Variants in ATXN10 observed in about 807,000 individuals in gnomAD.
ATXN10 encodes the protein ataxin-10.
ATXN10 carries 28 observed loss-of-function variants against 52.9 expected under a neutral mutation model. The observed-to-expected ratio is 0.53, with a 90% confidence interval of 0.39 to 0.73. The LOEUF is 0.73. ATXN10 is among the 30% of genes least tolerant of loss of function. The pLI is 0.00. For synonymous variants in ATXN10, 226 were observed against 221.5 expected (o/e 1.02, Z -0.18); for missense variants, 565 against 577.0 (o/e 0.98, Z 0.21).
rs1245391287 is a variant in ATXN10, at chr22:45,845,020, A to G, written c.*1349A>G. 6.6e-6 allele frequency: 1 copy of G among 152,222 alleles called. No homozygotes were observed. The highest frequency in any genetic ancestry group is 6.5e-5 in the Admixed American group (1 of 15,282). The allele number at this position is 152,222 out of a possible 1,614,324, so 9.4% of individuals were successfully genotyped here. A position where few individuals can be genotyped will look rare whatever the true frequency, so the allele number is the denominator to read the frequency against. ...ATCTATGAATAACATTTTTTCTCTC[A>G]TTTATGACTTTCCATCAGTAAAGAA... On this transcript the variant is annotated 3_prime_UTR_variant, in exon 12 of 12. Coordinates refer to ENST00000252934, the MANE Select transcript of ATXN10 (RefSeq NM_013236.4). The surrounding 1 kb of genome is among the most constrained non-coding windows in gnomAD (Gnocchi z 4.7).
intron 7 of ATXN10, 170 bp from the exon 8 acceptor site, chr22:45,738,561 A>G (rs1241590255): frequency 6.5e-6 from 4 of 611,316 alleles, no homozygotes; most frequent in South Asian, 2.0e-5. Context: ...AGTCGTGTAC[A>G]TATTTCATAC....
rs775656721 is a variant in ATXN10, at chr22:45,672,153, G to T, written c.90G>T (p.Thr30=). 1.8e-5 allele frequency: 27 copies of T among 1,539,098 alleles called. No individual in the cohort carries two copies. The East Asian group carries it at 6.1e-4, about 35-fold the overall frequency. ...IQDLEALRAL[T]ALFKEQRNRE... is the part of the protein sequence containing the mutation. Reference sequence around the variant, plus strand: ...ACCTGGAGGCCCTGCGCGCGCTCACGGCGCTCTTCAAAGAGCAGCGGAACC... The same window carrying T: ...ACCTGGAGGCCCTGCGCGCGCTCACTGCGCTCTTCAAAGAGCAGCGGAACC... Residue 30 remains threonine, a synonymous_variant, in exon 1 of 12, where the codon ACG becomes ACT. Coordinates refer to ENST00000252934, the MANE Select transcript of ATXN10 (RefSeq NM_013236.4).
rs1203172719 is a variant in ATXN10, at chr22:45,730,839, T to A, written c.894+1249T>A. On this transcript the variant is annotated intron_variant, in intron 7 of 11. Transcript: ENST00000252934. Reference sequence around the variant, plus strand: ...ACAGCTGTTATCCTAGGACATAATCTTAGAAGTGAAATTGCTATGTATAAG... The same window carrying A: ...ACAGCTGTTATCCTAGGACATAATCATAGAAGTGAAATTGCTATGTATAAG... Among the ~76,000 whole-genome samples the A allele has an allele frequency of 5.3e-5, 8 of 152,226 alleles. No homozygotes were observed. The South Asian group carries it at 1.4e-3, about 28-fold the overall frequency.
intron 9 of ATXN10, among the ~76,000 whole-genome samples, chr22:45,778,888 C>G (rs1030076301): frequency 6.6e-6 from 1 of 152,028 alleles, no homozygotes; most frequent in Non-Finnish European, 1.5e-5. Context: ...ACAAAAAGGT[C>G]CTAGGATGTG....
In ATXN10 at chr22:45,786,508, T is replaced by C. The variant is rs1336079024; in HGVS notation, c.1174-20451T>C. 6.6e-6 allele frequency among the ~76,000 whole-genome samples: 1 copy of C among 152,224 alleles called. No homozygotes were observed. The highest frequency in any genetic ancestry group is 1.5e-5 in the Non-Finnish European group (1 of 68,026). On this transcript the variant is annotated intron_variant, in intron 9 of 11. Coordinates refer to ENST00000252934, the MANE Select transcript of ATXN10 (RefSeq NM_013236.4). This position sits in a 1 kb window ranked among gnomAD's most constrained non-coding sequence, Gnocchi z 4.1. The stretch of plus-strand genomic sequence containing the variant: ...CTGGGCGCCAGTGCAGCCCGCACTT[T>C]ATCACCCTTCCTGCCAGGGCATTGC...
chr22:45,843,853 G>C lies in ATXN10; in HGVS notation c.*182G>C. ...AGTGAAAGTAACTGAGTGTTCTCTTGTTTCTTTGCATTAATGTAACTGTGT... is the reference window on the plus strand; with the variant it reads ...AGTGAAAGTAACTGAGTGTTCTCTTCTTTCTTTGCATTAATGTAACTGTGT... On this transcript the variant is annotated 3_prime_UTR_variant, in exon 12 of 12. Coordinates refer to ENST00000252934, the MANE Select transcript of ATXN10 (RefSeq NM_013236.4). The surrounding 1 kb of genome is among the most constrained non-coding windows in gnomAD (Gnocchi z 4.5). 1.6e-6 allele frequency: 1 copy of C among 639,818 alleles called. No homozygotes were observed. Among genetic ancestry groups the C allele is most frequent in the South Asian group, 1.9e-5 (1 of 51,774 alleles). The allele number at this position is 639,818 out of a possible 1,614,324, so 39.6% of individuals were successfully genotyped here. A position where few individuals can be genotyped will look rare whatever the true frequency, so the allele number is the denominator to read the frequency against.
chr22:45,736,281 G>A (rs1477578092), intron 7 of ATXN10, among the ~76,000 whole-genome samples: 4 of 152,016 alleles, frequency 2.6e-5, no homozygotes, highest in East Asian at 3.9e-4. Flanking sequence ...GCCAGTTGCC[G>A]TGGACTGAAT....
chr22:45,751,411 AG>A (rs950533267), intron 9 of ATXN10, among the ~76,000 whole-genome samples: 27 of 140,916 alleles, frequency 1.9e-4, no homozygotes, highest in Admixed American at 1.9e-3. Context: ...TGGTGGTGAT[AG>A]GGTTTGTGTG....
Position 45,842,967 on chromosome 22 carries a change from C to G in ATXN10, c.1238-24C>G, listed in dbSNP as rs1174493132. The G allele has an allele frequency of 6.2e-7, 1 of 1,610,090 alleles. No individual in the cohort carries two copies. Among genetic ancestry groups the G allele is most frequent in the Non-Finnish European group, 8.5e-7 (1 of 1,176,382 alleles). On this transcript the variant is annotated intron_variant, in intron 10 of 11. Transcript: ENST00000252934. The surrounding 1 kb of genome is among the most constrained non-coding windows in gnomAD (Gnocchi z 4.8). ...GTTATCAAACAGGAAAGTACGTTGT[C>G]ACATTCCTTCACTCTGGCTCCAGTT...
Position 45,740,468 on chromosome 22 carries a change from A to G in ATXN10, c.1103A>G (p.Asn368Ser), listed in dbSNP as rs149362917. The G allele has an allele frequency of 1.0e-4, 162 of 1,613,904 alleles. No individual in the cohort carries two copies. The highest frequency in any genetic ancestry group is 6.8e-4 in the South Asian group (62 of 91,084). ...GAAGGTGACATCTCCAATGTGGCCA[A>G]TGGGTTTAAGTCTCATCTCATTCGT... ...RAEGDISNVA[N>S]GFKSHLIRLI... Residue 368 changes from asparagine (N) to serine (S), a missense_variant, in exon 9 of 12, where the codon AAT becomes AGT. Asn to Ser is a conservative substitution (Grantham distance 46). Transcript: ENST00000252934.
In ATXN10 at chr22:45,769,668, C is replaced by T. The variant is rs1305304585; in HGVS notation, c.1173+29130C>T. Among the ~76,000 whole-genome samples the T allele has an allele frequency of 6.6e-6, 1 of 152,190 alleles. No homozygotes were observed. The highest frequency in any genetic ancestry group is 2.4e-5 in the African/African-American group (1 of 41,446). On this transcript the variant is annotated intron_variant, in intron 9 of 11. Coordinates refer to ENST00000252934, the MANE Select transcript of ATXN10 (RefSeq NM_013236.4). The surrounding 1 kb of genome is among the most constrained non-coding windows in gnomAD (Gnocchi z 4.2). ...CTTGGTCAAGAAAAGAAGACCAAGG[C>T]CGATTCCCTAGGACCTTGAAGCCAG...
At position 45,727,614 on chromosome 22, in the gene ATXN10, G is replaced by C. The variant is rs1348032717; in HGVS notation, c.729-1811G>C. 6.6e-6 allele frequency among the ~76,000 whole-genome samples: 1 copy of C among 152,066 alleles called. No homozygotes were observed. The highest frequency in any genetic ancestry group is 1.9e-4 in the East Asian group (1 of 5,188). ...GATCTCAGGTGATCCCCCATCCTCG[G>C]CCTCCCAAAGTACTGGGATTTCAGG... On this transcript the variant is annotated intron_variant, in intron 6 of 11. Transcript: ENST00000252934. This position sits in a 1 kb window ranked among gnomAD's most constrained non-coding sequence, Gnocchi z 4.6.
intron 1 of ATXN10, chr22:45,673,184 G>A (rs1288391257): frequency 1.3e-5 from 2 of 152,266 alleles, no homozygotes; most frequent in African/African-American, 4.8e-5. Context: ...AGTTACCCAT[G>A]TATCAGCTAT....
Position 45,671,920 on chromosome 22 carries a change from A to T in ATXN10, c.-144A>T. ...GCAGCTTCAGGGCAGCGCGGGCTGC[A>T]GCGGCGGCGGCGGTTAGGGCTGTGT... On this transcript the variant is annotated 5_prime_UTR_variant, in exon 1 of 12. Transcript: ENST00000252934. 1.2e-6 allele frequency: 1 copy of T among 851,312 alleles called. No individual in the cohort carries two copies. Among genetic ancestry groups the T allele is most frequent in the Non-Finnish European group, 1.7e-6 (1 of 574,854 alleles). The allele number at this position is 851,312 out of a possible 1,614,324, so 52.7% of individuals were successfully genotyped here.
rs1223771975 is a variant in ATXN10 at position 45,835,735 on chromosome 22, A to G, written c.1238-7256A>G. On this transcript the variant is annotated intron_variant, in intron 10 of 11. Coordinates refer to ENST00000252934, the MANE Select transcript of ATXN10 (RefSeq NM_013236.4). This position sits in a 1 kb window ranked among gnomAD's most constrained non-coding sequence, Gnocchi z 5.0. ...GCTTTTTCCCTCCGGAAAGACTGAAACTGCTCTTTCTTATAGTGTGTATTA... is the reference window on the plus strand; with the variant it reads ...GCTTTTTCCCTCCGGAAAGACTGAAGCTGCTCTTTCTTATAGTGTGTATTA... Among the ~76,000 whole-genome samples the G allele has an allele frequency of 6.6e-6, 1 of 152,106 alleles. No homozygotes were observed. Among genetic ancestry groups the G allele is most frequent in the African/African-American group, 2.4e-5 (1 of 41,418 alleles).
chr22:45,731,034 C>T (rs1353212416), intron 7 of ATXN10, among the ~76,000 whole-genome samples: 1 of 152,168 alleles, frequency 6.6e-6, no homozygotes, highest in African/African-American at 2.4e-5. Context: ...CTTGTTTTAT[C>T]AGGGCGTGGA....
At chr22:45,812,779 C>T (rs1032545937) in intron 10 of ATXN10, among the ~76,000 whole-genome samples, 1 of 152,166 alleles carries the variant, frequency 6.6e-6, no homozygotes, top group Admixed American at 6.5e-5. Flanking sequence ...GGAGTGAGGC[C>T]TGGGATGCCT....
At position 45,769,001 on chromosome 22, in the gene ATXN10, A is replaced by G. The variant is rs1421115308; in HGVS notation, c.1173+28463A>G. ...TGAGTTGCTGAGATTTATTTTAAAT[A>G]CTCTTGGTGGGAAAAAGTGTGGGAA... On this transcript the variant is annotated intron_variant, in intron 9 of 11. Transcript: ENST00000252934. The surrounding 1 kb of genome is among the most constrained non-coding windows in gnomAD (Gnocchi z 4.2). 6.6e-6 allele frequency among the ~76,000 whole-genome samples: 1 copy of G among 152,028 alleles called. No individual in the cohort carries two copies. The highest frequency in any genetic ancestry group is 2.4e-5 in the African/African-American group (1 of 41,374).
In ATXN10 at chr22:45,689,911, C is replaced by T; in HGVS notation, c.308+8C>T. On this transcript the variant is annotated splice_region_variant and intron_variant, in intron 2 of 11. Coordinates refer to ENST00000252934, the MANE Select transcript of ATXN10 (RefSeq NM_013236.4). The stretch of plus-strand genomic sequence containing the variant: ...GAACCAGAATTCAATCAGGTAGTTA[C>T]ACACGTACCTTGGATTCTGTTTCTT... 6.2e-7 allele frequency: 1 copy of T among 1,613,090 alleles called. No homozygotes were observed. Among genetic ancestry groups the T allele is most frequent in the Non-Finnish European group, 8.5e-7 (1 of 1,179,300 alleles).
Sources: gnomAD v4.1 joint callset for allele counts (sites outside exome capture counted in the v4.1 genomes callset) on GRCh38, gnomAD v4.1.1 for gene constraint, Gnocchi (gnomAD v3.1) non-coding constraint, MANE v1.5 for transcripts, NCBI Gene and HGNC (gene_info 2026-07-23, HGNC 2026-07-21) for gene names.